The following DTX1 variants were observed in gnomAD, a reference collection of about 807,000 sequenced individuals.
DTX1 encodes the protein E3 ubiquitin-protein ligase DTX1.
Under a neutral mutation model 57.8 loss-of-function variants are expected in DTX1, and 26 were observed. The ratio of observed to expected loss-of-function variants is 0.45; its 90% confidence interval spans 0.33 to 0.62. DTX1 has a LOEUF of 0.62. Ranked by LOEUF, DTX1 falls within the 20% of genes least tolerant of loss-of-function variation. The pLI is 0.02. For synonymous variants in DTX1, 398 were observed against 394.1 expected, an observed-to-expected ratio of 1.01 and a Z score of -0.12; for missense variants, 704 against 895.3, an observed-to-expected ratio of 0.79 and a Z score of 2.73.
chr12:113,079,327 C>T (rs1391059996), intron 3 of DTX1, among the ~76,000 whole-genome samples: 1 of 152,072 alleles, frequency 6.6e-6, no homozygotes, highest in Non-Finnish European at 1.5e-5. Context: ...TAATGATGGT[C>T]CGAGATCACC....
Position 113,058,391 on chromosome 12 carries a change from G to T in DTX1, c.199G>T (p.Ala67Ser). 6.2e-7 allele frequency: 1 copy of T among 1,609,160 alleles called. No homozygotes were observed. Among genetic ancestry groups the T allele is most frequent in the Non-Finnish European group, 8.5e-7 (1 of 1,179,958 alleles). ...RGSVVLGQVD[A>S]QLVPYIIDLQ... ...TTCCGTGGTCCTGGGGCAGGTGGACGCCCAGCTTGTGCCCTACATCATCGA... is the reference window on the plus strand; with the variant it reads ...TTCCGTGGTCCTGGGGCAGGTGGACTCCCAGCTTGTGCCCTACATCATCGA... The change falls in exon 2 of 10, where the codon GCC becomes TCC. Residue 67 changes from alanine to serine, a missense_variant. Transcript: ENST00000548759.
chr12:113,092,278 G>A (rs1345446964), intron 3 of DTX1, among the ~76,000 whole-genome samples: 1 of 151,314 alleles, frequency 6.6e-6, no homozygotes, highest in Non-Finnish European at 1.5e-5. Flanking sequence ...ACCAGGAACT[G>A]TGCTTGGCCC....
chr12:113,081,054 T>C (rs2044813273), intron 3 of DTX1, among the ~76,000 whole-genome samples: 1 of 152,140 alleles, frequency 6.6e-6, no homozygotes, highest in East Asian at 1.9e-4. Context: ...GAAATGAATT[T>C]CTTAGTCACT....
intron 3 of DTX1, among the ~76,000 whole-genome samples, chr12:113,092,272 G>C (rs1241632230): frequency 6.6e-6 from 1 of 151,736 alleles, no homozygotes; most frequent in African/African-American, 2.4e-5. Flanking sequence ...TTAGGTACCA[G>C]GAACTGTGCT....
At chr12:113,075,434 G>A (rs571872276) in intron 2 of DTX1, among the ~76,000 whole-genome samples, 19 of 152,346 alleles carry the variant, frequency 1.2e-4, no homozygotes, top group African/African-American at 4.1e-4. Flanking sequence ...GGACTTTCCC[G>A]CAGTTGAGGG....
chr12:113,094,146 G>A (rs1950268521), intron 6 of DTX1, 47 bp downstream of exon 6: 2 of 1,512,866 alleles, frequency 1.3e-6, no homozygotes, highest in South Asian at 1.2e-5. Context: ...GCATGGAGGG[G>A]GCAGGAACCC....
chr12:113,064,915 A>G (rs992925580), intron 2 of DTX1, among the ~76,000 whole-genome samples: 8 of 152,074 alleles, frequency 5.3e-5, no homozygotes, highest in African/African-American at 1.9e-4. Flanking sequence ...GAGTCCTTTG[A>G]GAGTGTGTGA....
intron 3 of DTX1, among the ~76,000 whole-genome samples, chr12:113,086,626 G>T (rs1592852165): frequency 6.6e-6 from 1 of 152,186 alleles, no homozygotes; most frequent in Admixed American, 6.5e-5. Flanking sequence ...TGTGGTGGGT[G>T]TGTTTTAGGG....
Position 113,079,120 on chromosome 12 carries a change from T to C in DTX1, c.941+1015T>C, listed in dbSNP as rs2044796483. On this transcript the variant is annotated intron_variant, in intron 3 of 9. Coordinates refer to ENST00000548759, the MANE Select transcript of DTX1 (RefSeq NM_004416.3). ...GTGAGCTGCTGTTGGGTGCCTACCC[T>C]GGACTCCAGATTCAGTCATCTGAGC... Among the ~76,000 whole-genome samples the C allele has an allele frequency of 2.0e-5, 3 of 152,234 alleles. No homozygotes were observed. In the South Asian group the frequency reaches 6.2e-4, roughly 32 times the overall value.
At chr12:113,092,168 G>C (rs900950845) in intron 3 of DTX1, among the ~76,000 whole-genome samples, 3 of 152,178 alleles carry the variant, frequency 2.0e-5, no homozygotes, top group African/African-American at 7.2e-5. Flanking sequence ...AGTTACACCA[G>C]GACTTAGTGC....
At chr12:113,086,260 A>G (rs2044856313) in intron 3 of DTX1, among the ~76,000 whole-genome samples, 2 of 124,066 alleles carry the variant, frequency 1.6e-5, no homozygotes. Context: ...CCCTGTATCA[A>G]GAAAAAAAAA....
chr12:113,086,885 C>T (rs111574936), intron 3 of DTX1, among the ~76,000 whole-genome samples: 8 of 150,752 alleles, frequency 5.3e-5, no homozygotes, highest in Middle Eastern at 3.4e-3. Flanking sequence ...CCCGCCTCAC[C>T]GCTGCTGCAA....
chr12:113,094,107 G>GGT lies in DTX1; in HGVS notation c.1227+9_1227+10insTG. 2.6e-6 allele frequency: 4 copies of GGT among 1,536,016 alleles called. No homozygotes were observed. The highest frequency in any genetic ancestry group is 3.5e-6 in the Non-Finnish European group (4 of 1,129,800). ...AAAAACCCACCTGATGAGGTGAGGAGGGGATGGGGGGGCTGGGGGAGGGCC... is the reference window on the plus strand; with the variant it reads ...AAAAACCCACCTGATGAGGTGAGGAGGTGGGATGGGGGGGCTGGGGGAGGGCC... On this transcript the variant is annotated intron_variant, in intron 6 of 9. Coordinates refer to ENST00000548759, the MANE Select transcript of DTX1 (RefSeq NM_004416.3).
chr12:113,085,053 C>CT lies in DTX1; in HGVS notation c.941+6963dup, dbSNP rs139788602. 4.7e-3 allele frequency among the ~76,000 whole-genome samples: 677 copies of CT among 142,764 alleles called. 3 individuals carry two copies. The highest frequency in any genetic ancestry group is 0.015 in the African/African-American group (573 of 38,608). The allele number at this position is 142,764 out of a possible 152,430, so 93.7% of individuals were successfully genotyped here. A position where few individuals can be genotyped will look rare whatever the true frequency, so the allele number is the denominator to read the frequency against. ...CACTTGGATTTCTCAGGCCCGTACC[C>CT]TTTTTTTTTTTTTTTAGATGGAGTC... On this transcript the variant is annotated intron_variant, in intron 3 of 9. Transcript: ENST00000548759.
At chr12:113,071,541 C>T (rs2044738218) in intron 2 of DTX1, among the ~76,000 whole-genome samples, 1 of 152,256 alleles carries the variant, frequency 6.6e-6, no homozygotes, top group Non-Finnish European at 1.5e-5. Flanking sequence ...GTGTGGTCTG[C>T]TCTGGGCCAC....
intron 3 of DTX1, among the ~76,000 whole-genome samples, chr12:113,092,428 T>G (rs1300097039): frequency 6.6e-6 from 1 of 151,868 alleles, no homozygotes; most frequent in Non-Finnish European, 1.5e-5. Context: ...GTGGTTGAAC[T>G]GAGATATGAA....
intron 2 of DTX1, among the ~76,000 whole-genome samples, chr12:113,067,865 C>G (rs989580053): frequency 8.7e-6 from 1 of 115,062 alleles, no homozygotes. Context: ...AACCCCATCT[C>G]CACCAAATAA....
chr12:113,094,278 T>C (rs1950269546), intron 6 of DTX1, among the ~76,000 whole-genome samples, 179 bp downstream of exon 6: 1 of 152,268 alleles, frequency 6.6e-6, no homozygotes, highest in South Asian at 2.1e-4. Context: ...TTATCCATCT[T>C]TTGATGATTG....
chr12:113,091,031 G>T (rs1343081398), intron 3 of DTX1, among the ~76,000 whole-genome samples: 3 of 152,238 alleles, frequency 2.0e-5, no homozygotes, highest in Non-Finnish European at 2.9e-5. Context: ...TCTGCAGGCT[G>T]CAGCGCGCCG....
Sources: allele counts gnomAD v4.1 joint callset (sites outside exome capture counted in the v4.1 genomes callset), GRCh38; gene constraint gnomAD v4.1.1; transcripts MANE v1.5; gene names NCBI Gene and HGNC (gene_info 2026-07-23, HGNC 2026-07-21).